The following DGKH variants were observed in gnomAD, a reference collection of about 807,000 sequenced individuals.
DGKH encodes the protein DAG kinase eta.
Under a neutral mutation model 159.3 loss-of-function variants are expected in DGKH, and 90 were observed. That is an observed-to-expected ratio of 0.57 (90% confidence interval 0.48 to 0.67). The LOEUF (loss-of-function observed/expected upper bound fraction) is 0.67. DGKH is among the 30% of genes least tolerant of loss of function. The pLI, the probability that DGKH is intolerant of heterozygous loss-of-function variation, is 0.00. For synonymous variants in DGKH, 536 were observed against 553.8 expected, an observed-to-expected ratio of 0.97 and a Z score of 0.45; for missense variants, 1,181 against 1,506.1, an observed-to-expected ratio of 0.78 and a Z score of 3.57.
chr13:42,101,990 GA>G, intron 1 of DGKH, among the ~76,000 whole-genome samples: 1 of 152,174 alleles, frequency 6.6e-6, no homozygotes, highest in Non-Finnish European at 1.5e-5. Context: ...ACATTACCAA[GA>G]AAACAATAAG....
chr13:42,158,369 A>G (rs1448874728), intron 5 of DGKH, among the ~76,000 whole-genome samples: 5 of 152,250 alleles, frequency 3.3e-5, no homozygotes, highest in South Asian at 4.1e-4. Context: ...CTGTTTAGCT[A>G]AAAGTCAGGA....
At chr13:42,125,164 A>G (rs190824423) in intron 1 of DGKH, among the ~76,000 whole-genome samples, 41 of 152,290 alleles carry the variant, frequency 2.7e-4, no homozygotes, top group African/African-American at 9.4e-4. Context: ...TGTCCAGCAT[A>G]TTCTGACTCT....
chr13:42,062,289 T>A (rs1175481438), intron 1 of DGKH, among the ~76,000 whole-genome samples: 1 of 152,226 alleles, frequency 6.6e-6, no homozygotes, highest in Non-Finnish European at 1.5e-5. Flanking sequence ...ACTTTTTATT[T>A]ATATACCATT....
Position 42,198,601 on chromosome 13 carries a change from A to G in DGKH, c.2285+6A>G. On this transcript the variant is annotated splice_donor_region_variant and intron_variant, in intron 18 of 29. Transcript: ENST00000337343. The stretch of plus-strand genomic sequence containing the variant: ...GACCCGGATCTAGATTCCGTGTAAG[A>G]AAATGCTTTTGCAAATATTTTGTTT... 6.2e-7 allele frequency: 1 copy of G among 1,601,284 alleles called. No individual in the cohort carries two copies. The highest frequency in any genetic ancestry group is 8.5e-7 in the Non-Finnish European group (1 of 1,174,982).
At chr13:42,165,600 T>C (rs768598052) in intron 8 of DGKH, among the ~76,000 whole-genome samples, 167 bp downstream of exon 8, 10 of 152,140 alleles carry the variant, frequency 6.6e-5, no homozygotes, top group Admixed American at 2.6e-4. Context: ...TAAAAGAATA[T>C]ATTTAAGTGA....
In DGKH at chr13:42,233,418, A is replaced by G. The variant is rs1008709161; in HGVS notation, c.*4230A>G. The stretch of plus-strand genomic sequence containing the variant: ...TTTCTCAAACGATTAGCACTGGCCT[A>G]CATCCATTTTATCCTTCCTTAGCTA... On this transcript the variant is annotated 3_prime_UTR_variant, in exon 30 of 30. Coordinates refer to ENST00000337343, the MANE Select transcript of DGKH (RefSeq NM_178009.5). The G allele has an allele frequency of 6.6e-6, 1 of 152,234 alleles. No homozygotes were observed. The highest frequency in any genetic ancestry group is 1.5e-5 in the Non-Finnish European group (1 of 68,054). The allele number at this position is 152,234 out of a possible 1,614,324, so 9.4% of individuals were successfully genotyped here. A position where few individuals can be genotyped will look rare whatever the true frequency, so the allele number is the denominator to read the frequency against.
chr13:42,129,507 T>A (rs1291909752), intron 2 of DGKH, 45 bp from the exon 3 acceptor site: 1 of 1,502,544 alleles, frequency 6.7e-7, no homozygotes, highest in Admixed American at 1.8e-5. Context: ...GAGCATTGAG[T>A]TAGGTTTTCT....
intron 1 of DGKH, among the ~76,000 whole-genome samples, chr13:42,120,891 G>T (rs182741937): frequency 1.3e-5 from 2 of 152,050 alleles, no homozygotes; most frequent in South Asian, 4.2e-4. Context: ...TTCTGAAAAG[G>T]CATCTTGATC....
At chr13:42,183,400 A>G (rs1047788939) in intron 13 of DGKH, among the ~76,000 whole-genome samples, 1 of 152,226 alleles carries the variant, frequency 6.6e-6, no homozygotes, top group Non-Finnish European at 1.5e-5. Context: ...CAACTCAATG[A>G]TTAAAAAAAT....
At chr13:42,119,026 T>A (rs1379986685) in intron 1 of DGKH, among the ~76,000 whole-genome samples, 2 of 152,200 alleles carry the variant, frequency 1.3e-5, no homozygotes, top group East Asian at 3.9e-4. Context: ...CCATTTGAAT[T>A]TCCAAATGAT....
At chr13:42,116,841 A>T (rs1954977154) in intron 1 of DGKH, among the ~76,000 whole-genome samples, 1 of 152,264 alleles carries the variant, frequency 6.6e-6, no homozygotes, top group East Asian at 1.9e-4. Flanking sequence ...CAGCTTTAAG[A>T]CATTGGACTA....
chr13:42,097,554 A>T (rs1301332643), intron 1 of DGKH, among the ~76,000 whole-genome samples: 12 of 152,204 alleles, frequency 7.9e-5, no homozygotes, highest in Admixed American at 4.6e-4. Flanking sequence ...GTAGCCCCAG[A>T]TGCCGGCAAC....
chr13:42,230,612 AT>A lies in DGKH; in HGVS notation c.*1429del, dbSNP rs1412838327. 2 of 152,060 alleles carry A rather than the reference AT, an allele frequency of 1.3e-5. No homozygotes were observed. Among genetic ancestry groups the A allele is most frequent in the Non-Finnish European group, 2.9e-5 (2 of 67,978 alleles). The allele number at this position is 152,060 out of a possible 1,614,324, so 9.4% of individuals were successfully genotyped here. Reference sequence around the variant, plus strand: ...ACAGGGTACTGACTCAGTGGTGACAATTTTTATGAAGTAGCCTGCTAGGTGC... The same window carrying A: ...ACAGGGTACTGACTCAGTGGTGACAATTTTATGAAGTAGCCTGCTAGGTGC... On this transcript the variant is annotated 3_prime_UTR_variant, in exon 30 of 30. Coordinates refer to ENST00000337343, the MANE Select transcript of DGKH (RefSeq NM_178009.5).
intron 1 of DGKH, among the ~76,000 whole-genome samples, chr13:42,095,488 C>T (rs569719233): frequency 3.4e-4 from 51 of 152,098 alleles, no homozygotes; most frequent in African/African-American, 1.2e-3. Context: ...TTAATGAGTG[C>T]TTAATACCTA....
intron 13 of DGKH, among the ~76,000 whole-genome samples, chr13:42,178,836 C>A (rs954419328): frequency 6.6e-6 from 1 of 151,972 alleles, no homozygotes; most frequent in Admixed American, 6.6e-5. Flanking sequence ...AGGGGTGACA[C>A]CAACTGAAAT....
chr13:42,235,823 A>G lies in DGKH; in HGVS notation c.*6635A>G, dbSNP rs1323998687. The G allele has an allele frequency of 1.3e-5, 2 of 152,188 alleles. No homozygotes were observed. Among genetic ancestry groups the G allele is most frequent in the African/African-American group, 4.8e-5 (2 of 41,474 alleles). The allele number at this position is 152,188 out of a possible 1,614,324, so 9.4% of individuals were successfully genotyped here. On this transcript the variant is annotated 3_prime_UTR_variant, in exon 30 of 30. Coordinates refer to ENST00000337343, the MANE Select transcript of DGKH (RefSeq NM_178009.5). ...ATTTTCAAATCTTCAAGTAAGTTGTATCGAATGTTTTTCTTCCTCTTAAGT... is the reference window on the plus strand; with the variant it reads ...ATTTTCAAATCTTCAAGTAAGTTGTGTCGAATGTTTTTCTTCCTCTTAAGT...
intron 14 of DGKH, 116 bp downstream of exon 14, chr13:42,187,264 G>A: frequency 1.3e-6 from 1 of 795,000 alleles, no homozygotes; most frequent in Non-Finnish European, 2.1e-6. Flanking sequence ...TAAATCGAGA[G>A]AAAAATTACT....
chr13:42,191,546 C>A (rs1170120), intron 16 of DGKH, among the ~76,000 whole-genome samples: 14,019 of 151,882 alleles, frequency 0.092, 1,801 homozygotes, highest in African/African-American at 0.29. Context: ...TGAAAAAAAA[C>A]CAAATTTTTG....
chr13:42,097,974 A>G (rs1954576634), intron 1 of DGKH, among the ~76,000 whole-genome samples: 1 of 152,126 alleles, frequency 6.6e-6, no homozygotes, highest in African/African-American at 2.4e-5. Context: ...TGGTTGTGCT[A>G]AGTCAATTCT....
Sources: allele counts gnomAD v4.1 joint callset (sites outside exome capture counted in the v4.1 genomes callset), GRCh38; gene constraint gnomAD v4.1.1; transcripts MANE v1.5; gene names NCBI Gene and HGNC (gene_info 2026-07-23, HGNC 2026-07-21).